The following TRPC5 variants were observed in gnomAD, a reference collection of about 807,000 sequenced individuals.
TRPC5 encodes short transient receptor potential channel 5.
TRPC5 carries 9 observed loss-of-function variants against 56.5 expected under a neutral mutation model. The observed-to-expected ratio is 0.16, with a 90% confidence interval of 0.10 to 0.28. The LOEUF (loss-of-function observed/expected upper bound fraction) is 0.28, where lower values mean the gene tolerates loss of function less well. Ranked by LOEUF, TRPC5 falls within the 10% of genes least tolerant of loss-of-function variation. The pLI is 1.00. For synonymous variants in TRPC5, 282 were observed against 278.5 expected, an observed-to-expected ratio of 1.01 and a Z score of -0.13; for missense variants, 469 against 748.9, an observed-to-expected ratio of 0.63 and a Z score of 4.36.
chrX:111,991,491 G>T (rs1269970364), intron 1 of TRPC5, among the ~76,000 whole-genome samples: 1 of 109,381 alleles, frequency 9.1e-6, no homozygotes, highest in Non-Finnish European at 1.9e-5. Context: ...GTCCATCAAG[G>T]CTCAGATGTT....
chrX:112,006,789 AACTCTGGC>A (rs913577201), intron 1 of TRPC5, among the ~76,000 whole-genome samples: 5 of 112,036 alleles, frequency 4.5e-5, no homozygotes, highest in African/African-American at 1.6e-4. Context: ...TTAGCAAACA[AACTCTGGC>A]AATAAACACT....
intron 3 of TRPC5, among the ~76,000 whole-genome samples, chrX:111,905,783 C>T (rs754128941): frequency 5.2e-4 from 57 of 109,119 alleles, no homozygotes; most frequent in Admixed American, 1.4e-3. Flanking sequence ...GGCGTGGTGG[C>T]GGGCGCCTGT....
chrX:111,866,860 T>A (rs1923564546), intron 3 of TRPC5, among the ~76,000 whole-genome samples: 2 of 112,365 alleles, frequency 1.8e-5, no homozygotes, highest in South Asian at 7.4e-4. Flanking sequence ...CATGCTTAAC[T>A]CAAGGCAGAA....
At chrX:111,835,158 G>A in intron 6 of TRPC5, 42 bp from the exon 7 acceptor site, 1 of 1,079,352 alleles carries the variant, frequency 9.3e-7, no homozygotes, top group South Asian at 2.4e-5. Flanking sequence ...TCTTTAAGAA[G>A]AGCAAGAAAA....
intron 2 of TRPC5, among the ~76,000 whole-genome samples, chrX:111,915,573 G>A (rs927907294): frequency 1.5e-4 from 17 of 111,721 alleles, no homozygotes; most frequent in East Asian, 5.6e-4. Context: ...CTTGCTGCCC[G>A]CTCAAATACT....
At chrX:112,062,788 G>A (rs1163245217) in intron 1 of TRPC5, among the ~76,000 whole-genome samples, 2 of 111,711 alleles carry the variant, frequency 1.8e-5, no homozygotes, top group Non-Finnish European at 3.8e-5. Context: ...AGGTAGTGGG[G>A]GAACTACTGA....
chrX:112,020,586 C>T (rs1443925777), intron 1 of TRPC5, among the ~76,000 whole-genome samples: 1 of 111,903 alleles, frequency 8.9e-6, no homozygotes. Context: ...GTTGACAGTA[C>T]ATTATCAATG....
Position 111,895,941 on chromosome X carries a change from C to T in TRPC5, c.900+16350G>A, listed in dbSNP as rs751090929. The T allele has an allele frequency of 9.0e-5, 10 of 111,408 alleles. No individual in the cohort carries two copies. In the South Asian group the frequency reaches 3.8e-3, roughly 42 times the overall value. The allele number at this position is 111,408 out of a possible 1,213,427, so 9.2% of individuals were successfully genotyped here. A position where few individuals can be genotyped will look rare whatever the true frequency, so the allele number is the denominator to read the frequency against. On this transcript the variant is annotated intron_variant, in intron 3 of 10. Transcript: ENST00000262839. ...AGTTTTCCCTTTGTCCCTCTAACTT[C>T]AAAATCTAGGTAACCTTTTAAGGTG...
At chrX:111,928,249 C>A (rs906104870) in intron 2 of TRPC5, among the ~76,000 whole-genome samples, 3 of 111,570 alleles carry the variant, frequency 2.7e-5, no homozygotes, top group Non-Finnish European at 5.6e-5. Flanking sequence ...AAACAGAAGT[C>A]ATTTAAAAAA....
rs181628889 is a variant in TRPC5 at position 112,061,928 on chromosome X, A to T, written c.-22+19951T>A. Among the ~76,000 whole-genome samples, 114 of 111,856 alleles carry T rather than the reference A, an allele frequency of 1.0e-3. 2 individuals are homozygous for T. The highest frequency in any genetic ancestry group is 9.8e-3 in the Admixed American group (104 of 10,574). ...TTTTGAATTAGTTCTCCTGTCTAAA[A>T]CCAGGAGCAGTTTATTTCAATGATA... On this transcript the variant is annotated intron_variant, in intron 1 of 10. Coordinates refer to ENST00000262839, the MANE Select transcript of TRPC5 (RefSeq NM_012471.3).
At chrX:111,971,530 G>A (rs941316150) in intron 1 of TRPC5, among the ~76,000 whole-genome samples, 2 of 111,337 alleles carry the variant, frequency 1.8e-5, no homozygotes, top group Non-Finnish European at 3.8e-5. Context: ...GTAGCCTCTT[G>A]AGTGCTGTTT....
intron 3 of TRPC5, among the ~76,000 whole-genome samples, chrX:111,897,390 A>T (rs1327469131): frequency 9.0e-6 from 1 of 110,894 alleles, no homozygotes; most frequent in African/African-American, 3.3e-5. Context: ...TTTTGAGGGG[A>T]GTAAAATTTA....
intron 7 of TRPC5, among the ~76,000 whole-genome samples, chrX:111,785,092 A>C (rs1639354381): frequency 8.9e-6 from 1 of 112,687 alleles, no homozygotes; most frequent in Admixed American, 9.3e-5. Context: ...TTGAGCTCTC[A>C]GAACGGACAG....
chrX:111,963,124 C>G (rs796099622), intron 1 of TRPC5, among the ~76,000 whole-genome samples: 1 of 112,230 alleles, frequency 8.9e-6, no homozygotes, highest in East Asian at 2.8e-4. Context: ...TCACTCCCAC[C>G]CTAATACTGC....
At chrX:112,023,246 GTTTTTTTTTTTT>G (rs1163231468) in intron 1 of TRPC5, among the ~76,000 whole-genome samples, 28 of 56,683 alleles carry the variant, frequency 4.9e-4, no homozygotes, top group Non-Finnish European at 7.3e-4. Flanking sequence ...TTTTTTTTTT[GTTTTTTTTTTTT>G]TTTTTTTTTT....
intron 1 of TRPC5, among the ~76,000 whole-genome samples, chrX:112,061,280 A>G (rs1244289117): frequency 8.9e-6 from 1 of 112,068 alleles, no homozygotes; most frequent in Non-Finnish European, 1.9e-5. Flanking sequence ...TTCATCTCCT[A>G]CTGAACATCA....
intron 1 of TRPC5, among the ~76,000 whole-genome samples, chrX:112,035,093 A>ATTT (rs764233585): frequency 0.025 from 2,621 of 104,276 alleles, 52 homozygotes; most frequent in African/African-American, 0.058. Flanking sequence ...TTTTTTTAAA[A>ATTT]AAAAAAAAAT....
rs755123210 is a variant in TRPC5 at position 111,979,372 on chromosome X, A to G, written c.-21-26931T>C. 2.7e-5 allele frequency among the ~76,000 whole-genome samples: 3 copies of G among 111,503 alleles called. No homozygotes were observed. In the Admixed American group the frequency reaches 2.9e-4, roughly 11 times the overall value. On this transcript the variant is annotated intron_variant, in intron 1 of 10. Transcript: ENST00000262839. ...AAGGCCTAAAATCATAAATGACTAG[A>G]ATAAGATATAATGAAAAATCTTTGT... is the stretch of plus-strand genomic sequence containing the variant.
chrX:111,976,595 T>C (rs1927935393), intron 1 of TRPC5, among the ~76,000 whole-genome samples: 1 of 111,590 alleles, frequency 9.0e-6, no homozygotes, highest in South Asian at 3.7e-4. Context: ...ATTCTCATGC[T>C]CACCACTGCT....
Sources: gnomAD v4.1 joint callset for allele counts (sites outside exome capture counted in the v4.1 genomes callset) on GRCh38, gnomAD v4.1.1 for gene constraint, MANE v1.5 for transcripts, NCBI Gene and HGNC (gene_info 2026-07-23, HGNC 2026-07-21) for gene names.